KCNH1: variants seen among roughly 807,000 people sequenced by gnomAD.
KCNH1 encodes potassium voltage-gated channel subfamily H member 1.
Under a neutral mutation model 69.2 loss-of-function variants are expected in KCNH1, and 27 were observed. The observed-to-expected ratio is 0.39, with a 90% CI of 0.29 to 0.54. KCNH1 has a LOEUF of 0.54. Among genes scored for constraint, KCNH1 ranks in the 20% least tolerant of loss-of-function variants. The probability of loss-of-function intolerance (pLI) is 0.68; values close to 1 mark genes in which losing one functional copy is unlikely to be tolerated. For missense variants in KCNH1, 798 were observed against 1,261.6 expected (o/e 0.63, Z 5.57); for synonymous variants, 456 against 487.7 (o/e 0.93, Z 0.86).
intron 5 of KCNH1, among the ~76,000 whole-genome samples, chr1:211,068,665 AT>A (rs760056243): frequency 2.3e-3 from 350 of 152,320 alleles, no homozygotes; most frequent in Non-Finnish European, 4.0e-3. Context: ...AAGTGCTGGG[AT>A]TACAGGCGTG....
At chr1:210,963,094 T>C (rs1688328704) in intron 6 of KCNH1, among the ~76,000 whole-genome samples, 1 of 151,900 alleles carries the variant, frequency 6.6e-6, no homozygotes, top group South Asian at 2.1e-4. Flanking sequence ...CTTCATGCTG[T>C]CTCTGCTGAA....
Position 210,680,302 on chromosome 1 carries a change from T to C in KCNH1, c.*2979A>G, listed in dbSNP as rs987734960. On this transcript the variant is annotated 3_prime_UTR_variant, in exon 11 of 11. Transcript: ENST00000271751. The stretch of plus-strand genomic sequence containing the variant: ...AAATGGAGCTTCAATATGAATGACA[T>C]TCAAAGTAAAGAATTTAGTAGAAAT... 1.3e-5 allele frequency: 2 copies of C among 152,142 alleles called. No individual in the cohort carries two copies. The highest frequency in any genetic ancestry group is 2.4e-5 in the African/African-American group (1 of 41,426). The allele number at this position is 152,142 out of a possible 1,614,324, so 9.4% of individuals were successfully genotyped here.
rs528215830 is a variant in KCNH1 at position 211,067,115 on chromosome 1, A to G, written c.558+15665T>C. Among the ~76,000 whole-genome samples the G allele has an allele frequency of 3.3e-5, 5 of 152,302 alleles. No individual in the cohort carries two copies. In the South Asian group the frequency reaches 1.0e-3, roughly 32 times the overall value. On this transcript the variant is annotated intron_variant, in intron 5 of 10. Coordinates refer to ENST00000271751, the MANE Select transcript of KCNH1 (RefSeq NM_172362.3). ...CTGGCAGCATGGAGTGATCCCAGGC[A>G]GACCAAACCCAGCAGAGTCACTCCC... is the stretch of plus-strand genomic sequence containing the variant.
At chr1:210,821,691 C>G (rs1684931900) in intron 7 of KCNH1, among the ~76,000 whole-genome samples, 1 of 151,970 alleles carries the variant, frequency 6.6e-6, no homozygotes, top group Non-Finnish European at 1.5e-5. Context: ...TACACTCCAG[C>G]TAAAAAATTG....
intron 5 of KCNH1, among the ~76,000 whole-genome samples, chr1:211,036,397 G>A (rs1023963168): frequency 3.9e-5 from 6 of 152,118 alleles, no homozygotes; most frequent in African/African-American, 9.7e-5. Context: ...AGACTGGGAC[G>A]GTCAATTTCT....
At chr1:211,005,613 G>A (rs1415139625) in intron 6 of KCNH1, among the ~76,000 whole-genome samples, 1 of 152,142 alleles carries the variant, frequency 6.6e-6, no homozygotes, top group East Asian at 1.9e-4. Context: ...ATCAGTCTAA[G>A]TGGATTTCAG....
chr1:210,904,069 A>G (rs1204740304), intron 7 of KCNH1, among the ~76,000 whole-genome samples: 1 of 152,236 alleles, frequency 6.6e-6, no homozygotes, highest in Non-Finnish European at 1.5e-5. Context: ...ACCAGAAAAC[A>G]TACTTATAAG....
intron 10 of KCNH1, among the ~76,000 whole-genome samples, chr1:210,703,774 C>T (rs1292874774): frequency 6.6e-6 from 1 of 152,190 alleles, no homozygotes; most frequent in Non-Finnish European, 1.5e-5. Context: ...TCATGAAACA[C>T]CTGATCTTTG....
At chr1:211,024,551 A>G (rs1051847552) in intron 5 of KCNH1, among the ~76,000 whole-genome samples, 3 of 152,178 alleles carry the variant, frequency 2.0e-5, no homozygotes, top group African/African-American at 7.2e-5. Context: ...GAGGTGTTAG[A>G]TTTTATTCTA....
chr1:210,861,780 C>T (rs1685983625), intron 7 of KCNH1: 4 of 771,014 alleles, frequency 5.2e-6, no homozygotes, highest in Non-Finnish European at 9.7e-6. Context: ...TTGCTGCTAC[C>T]AATGGACTCC....
intron 9 of KCNH1, among the ~76,000 whole-genome samples, chr1:210,781,376 C>T (rs918921832): frequency 2.0e-5 from 3 of 152,100 alleles, no homozygotes; most frequent in Non-Finnish European, 2.9e-5. Flanking sequence ...ATCCCACTGC[C>T]TTTATTCCTC....
At chr1:211,000,974 A>C (rs1296277062) in intron 6 of KCNH1, among the ~76,000 whole-genome samples, 1 of 152,070 alleles carries the variant, frequency 6.6e-6, no homozygotes, top group African/African-American at 2.4e-5. Flanking sequence ...AGAAAGCTGA[A>C]ACTGGATCCC....
chr1:210,840,434 CA>C (rs1685381767), intron 7 of KCNH1, among the ~76,000 whole-genome samples: 1 of 152,178 alleles, frequency 6.6e-6, no homozygotes, highest in Non-Finnish European at 1.5e-5. Context: ...CCATGAGGAA[CA>C]ACTGACTGGG....
At chr1:210,794,108 T>C (rs147769421) in intron 9 of KCNH1, among the ~76,000 whole-genome samples, 137 of 152,322 alleles carry the variant, frequency 9.0e-4, no homozygotes, top group Middle Eastern at 3.4e-3. Context: ...TTTCAGTCCA[T>C]TGACCAAAAG....
At chr1:210,795,962 AACACACACACACACACACAC>A (rs369505764) in intron 9 of KCNH1, among the ~76,000 whole-genome samples, 11 of 135,984 alleles carry the variant, frequency 8.1e-5, no homozygotes, top group Non-Finnish European at 1.6e-4. Flanking sequence ...CTCTACTAAA[AACACACACACACACACACAC>A]ACACACACAC....
Position 210,919,439 on chromosome 1 carries a change from T to C in KCNH1, c.1462+201A>G, listed in dbSNP as rs1032940878. 14 of 581,132 alleles carry C rather than the reference T, an allele frequency of 2.4e-5. No homozygotes were observed. In the African/African-American group the frequency reaches 2.4e-4, roughly 10 times the overall value. 36.0% of individuals were successfully genotyped at this position (581,132 alleles called of 1,614,324 possible). ...TATGGATAGTCTTTACTTTCTACTT[T>C]GCACTCTTTTGTATTTTCTAAATTT... is the stretch of plus-strand genomic sequence containing the variant. On this transcript the variant is annotated intron_variant, in intron 7 of 10. Coordinates refer to ENST00000271751, the MANE Select transcript of KCNH1 (RefSeq NM_172362.3). This position sits in a 1 kb window ranked among gnomAD's most constrained non-coding sequence, Gnocchi z 4.2.
At chr1:210,716,431 CAAA>C (rs58725705) in intron 10 of KCNH1, among the ~76,000 whole-genome samples, 2 of 91,950 alleles carry the variant, frequency 2.2e-5, no homozygotes, top group Non-Finnish European at 4.0e-5. Context: ...GACTCCGTCT[CAAA>C]AAAAAAAAAA....
intron 7 of KCNH1, among the ~76,000 whole-genome samples, chr1:210,826,061 T>C (rs1270872554): frequency 6.6e-6 from 1 of 152,238 alleles, no homozygotes; most frequent in Non-Finnish European, 1.5e-5. Flanking sequence ...AAGGGAGTTC[T>C]ATTTTATTCT....
chr1:211,085,909 C>A (rs1039765644), intron 4 of KCNH1, among the ~76,000 whole-genome samples: 3 of 152,166 alleles, frequency 2.0e-5, no homozygotes, highest in African/African-American at 7.2e-5. Flanking sequence ...GGAAATCAGA[C>A]AGTCATTTTC....
Sources: gnomAD v4.1 joint callset for allele counts (sites outside exome capture counted in the v4.1 genomes callset) on GRCh38, gnomAD v4.1.1 for gene constraint, Gnocchi (gnomAD v3.1) non-coding constraint, MANE v1.5 for transcripts, NCBI Gene and HGNC (gene_info 2026-07-23, HGNC 2026-07-21) for gene names.